The following OPN5 variants were observed in gnomAD, a reference collection of about 807,000 sequenced individuals.
OPN5 encodes the protein opsin 5.
A neutral mutation model predicts 41.7 loss-of-function variants in OPN5; 18 were observed. That is an observed-to-expected ratio of 0.43 (90% CI 0.30 to 0.64). The LOEUF is 0.64. Among genes scored for constraint, OPN5 ranks in the 30% least tolerant of loss-of-function variants. OPN5 has a pLI of 0.13. For synonymous variants in OPN5, 178 were observed against 164.3 expected (o/e 1.08, Z -0.64); for missense variants, 318 against 434.5 (o/e 0.73, Z 2.38).
At chr6:47,822,819 A>G (rs928113) in intron 6 of OPN5, among the ~76,000 whole-genome samples, 11,911 of 152,180 alleles carry the variant, frequency 0.078, 515 homozygotes, top group South Asian at 0.14. Flanking sequence ...AGTTTGGTTG[A>G]TTGTTTTTAT....
At chr6:47,790,377 T>A (rs2113954392) in intron 2 of OPN5, among the ~76,000 whole-genome samples, 1 of 152,252 alleles carries the variant, frequency 6.6e-6, no homozygotes, top group South Asian at 2.1e-4. Context: ...CCTACCTACT[T>A]CCCCTTCAGG....
At chr6:47,808,668 A>G (rs1437657225) in intron 5 of OPN5, among the ~76,000 whole-genome samples, 2 of 152,204 alleles carry the variant, frequency 1.3e-5, no homozygotes, top group African/African-American at 4.8e-5. Flanking sequence ...AACAACCACT[A>G]TTTATGCATG....
intron 6 of OPN5, among the ~76,000 whole-genome samples, chr6:47,812,430 T>C (rs1370526024): frequency 2.6e-5 from 4 of 152,168 alleles, no homozygotes; most frequent in African/African-American, 9.7e-5. Context: ...AGAAGTGAAT[T>C]TAGTGAAGAT....
exon 3 of OPN5, chr6:47,791,824 C>A: frequency 1.9e-6 from 3 of 1,614,126 alleles, no homozygotes; most frequent in Non-Finnish European, 2.5e-6. Context: ...CGTTCACCAT[C>A]ATCTCTTGCT....
At chr6:47,811,701 G>A in exon 6 of OPN5, 1 of 1,612,706 alleles carries the variant, frequency 6.2e-7, no homozygotes, top group Non-Finnish European at 8.5e-7. Context: ...CAGTCAGGAA[G>A]TCTTCTGCTG....
At position 47,802,117 on chromosome 6, in the gene OPN5, G is replaced by A. The variant is rs78832862; in HGVS notation, c.757-6037G>A. Among the ~76,000 whole-genome samples the A allele has an allele frequency of 2.7e-3, 416 of 152,222 alleles. 4 individuals carry two copies. The highest frequency in any genetic ancestry group is 0.01 in the Middle Eastern group (3 of 294). On this transcript the variant is annotated intron_variant, in intron 4 of 6. Coordinates refer to ENST00000371211, the Ensembl canonical transcript of OPN5. Reference sequence around the variant, plus strand: ...CACTGTGCCTCTTAATTTAAAAGACGCTGAAAAGAACAGCTACTCATTTCC... The same window carrying A: ...CACTGTGCCTCTTAATTTAAAAGACACTGAAAAGAACAGCTACTCATTTCC...
exon 1 of OPN5, chr6:47,782,164 A>C: frequency 6.2e-7 from 1 of 1,613,710 alleles, no homozygotes; most frequent in Non-Finnish European, 8.5e-7. Context: ...TGGGAAGCGG[A>C]TTTAGTGGCT....
chr6:47,807,905 G>A (rs1325064671), intron 4 of OPN5, among the ~76,000 whole-genome samples: 1 of 150,596 alleles, frequency 6.6e-6, no homozygotes, highest in African/African-American at 2.4e-5. Context: ...TGGGTCTTTG[G>A]GTACATTCAA....
intron 3 of OPN5, chr6:47,794,862 A>G: frequency 5.5e-6 from 1 of 182,764 alleles, no homozygotes; most frequent in Non-Finnish European, 1.1e-5. Context: ...GTGCTTCCTC[A>G]CCTCCCAGAA....
At chr6:47,796,468 A>C (rs1773575090) in intron 4 of OPN5, among the ~76,000 whole-genome samples, 1 of 152,196 alleles carries the variant, frequency 6.6e-6, no homozygotes, top group Non-Finnish European at 1.5e-5. Context: ...ACATGCCATC[A>C]ATATAAATGA....
chr6:47,791,682 GGT>G (rs1038168045), intron 2 of OPN5, 118 bp from the exon 3 acceptor site: 24 of 719,420 alleles, frequency 3.3e-5, no homozygotes, highest in East Asian at 1.5e-4. Context: ...TGTAATCAAG[GGT>G]GTGTGTGTGC....
chr6:47,793,468 G>A (rs990854049), intron 3 of OPN5, among the ~76,000 whole-genome samples: 3 of 152,112 alleles, frequency 2.0e-5, no homozygotes, highest in Non-Finnish European at 2.9e-5. Flanking sequence ...AGGTCGCTTG[G>A]GGATGTGTAG....
exon 5 of OPN5, chr6:47,808,182 T>C: frequency 1.9e-6 from 3 of 1,613,616 alleles, no homozygotes; most frequent in Non-Finnish European, 2.5e-6. Flanking sequence ...GCTGGATTCC[T>C]GATTGCCTGG....
chr6:47,782,478 T>C (rs1374819926), intron 1 of OPN5, among the ~76,000 whole-genome samples: 4 of 152,236 alleles, frequency 2.6e-5, no homozygotes, highest in Non-Finnish European at 5.9e-5. Flanking sequence ...GGAGTAGATT[T>C]ACTTTCTGAA....
chr6:47,821,890 A>C (rs1762634179), intron 6 of OPN5, among the ~76,000 whole-genome samples: 1 of 152,138 alleles, frequency 6.6e-6, no homozygotes, highest in South Asian at 2.1e-4. Flanking sequence ...CAAGGTGGGC[A>C]GATCAAGTGG....
intron 2 of OPN5, among the ~76,000 whole-genome samples, chr6:47,788,806 G>GGGC (rs1554139117): frequency 7.8e-3 from 1 of 128 alleles, no homozygotes; most frequent in Non-Finnish European, 0.033. Context: ...AGGATAACCT[G>GGGC]GGGGGGGGCG....
At chr6:47,801,531 G>A (rs1444204883) in intron 4 of OPN5, among the ~76,000 whole-genome samples, 1 of 152,078 alleles carries the variant, frequency 6.6e-6, no homozygotes, top group African/African-American at 2.4e-5. Flanking sequence ...CAGTTCATGG[G>A]AAAGTTGAAC....
intron 4 of OPN5, among the ~76,000 whole-genome samples, chr6:47,806,066 A>T (rs1273876396): frequency 6.6e-6 from 1 of 151,982 alleles, no homozygotes; most frequent in African/African-American, 2.4e-5. Flanking sequence ...TGTGATGCCC[A>T]TGATGTCAAC....
intron 1 of OPN5, among the ~76,000 whole-genome samples, chr6:47,784,232 A>G (rs1297892737): frequency 1.3e-5 from 2 of 151,938 alleles, no homozygotes; most frequent in African/African-American, 2.4e-5. Context: ...CCCTAGATCC[A>G]CTTCTTGGAC....
Sources: gnomAD v4.1 joint callset for allele counts (sites outside exome capture counted in the v4.1 genomes callset) on GRCh38, gnomAD v4.1.1 for gene constraint, MANE v1.5 for transcripts, NCBI Gene and HGNC (gene_info 2026-07-23, HGNC 2026-07-21) for gene names.